Variants in UGT2B4 observed in about 807,000 individuals in gnomAD.
UGT2B4 encodes UDP glucuronosyltransferase family 2 member B4, also known as UDP-glucuronosyltransferase 2B4.
Under a neutral mutation model 49.8 loss-of-function variants are expected in UGT2B4, and 49 were observed. That is an observed-to-expected ratio of 0.98 (90% CI 0.78 to 1.25). The LOEUF (loss-of-function observed/expected upper bound fraction) is 1.25. Among genes scored for constraint, UGT2B4 ranks in the 50% most tolerant of loss-of-function variants. The pLI is 0.00. For synonymous variants in UGT2B4, 246 were observed against 217.7 expected (o/e 1.13, Z -1.14); for missense variants, 729 against 627.7 (o/e 1.16, Z -1.73).
intron 1 of UGT2B4, among the ~76,000 whole-genome samples, chr4:69,522,582 A>T (rs1377388469): frequency 6.6e-6 from 1 of 152,212 alleles, no homozygotes; most frequent in African/African-American, 2.4e-5. Flanking sequence ...AATGCTAACA[A>T]TCATCTGATC....
At position 69,495,799 on chromosome 4, in the gene UGT2B4, C is replaced by T; in HGVS notation, c.63G>A (p.Gly21=). 6.2e-7 allele frequency: 1 copy of T among 1,613,490 alleles called. No homozygotes were observed. Among genetic ancestry groups the T allele is most frequent in the East Asian group, 2.2e-5 (1 of 44,850 alleles). ...GCCACACCAGCACCTTTCCACAACT[C>T]CCAGAGCTAAAGTAACAGCTCAGCT... is the stretch of plus-strand genomic sequence containing the variant. ...LIQLSCYFSS[G]SCGKVLVWPT... is the part of the protein sequence containing the mutation. Residue 21 remains glycine (G), a synonymous_variant, in exon 1 of 6, where the codon GGG becomes GGA. Transcript: ENST00000305107.
In UGT2B4 at chr4:69,485,372, C is replaced by A; in HGVS notation, c.1146G>T (p.Glu382Asp). The change falls in exon 5 of 6, where the codon GAG (glutamate) becomes GAT (aspartate). Residue 382 changes from glutamate (E) to aspartate (D), a missense_variant. Coordinates refer to ENST00000305107, the MANE Select transcript of UGT2B4 (RefSeq NM_021139.3). ...ITHGGANGIY[E>D]AIYHGIPMVG... Reference sequence around the variant, plus strand: ...CCATAGGGATTCCATGGTAGATTGCCTCATAGATGCCATTGGCTCCACCAT... The same window carrying A: ...CCATAGGGATTCCATGGTAGATTGCATCATAGATGCCATTGGCTCCACCAT... 6.2e-7 allele frequency: 1 copy of A among 1,613,836 alleles called. No individual in the cohort carries two copies. Among genetic ancestry groups the A allele is most frequent in the South Asian group, 1.1e-5 (1 of 91,072 alleles).
intron 1 of UGT2B4, among the ~76,000 whole-genome samples, chr4:69,518,914 T>C (rs1441293979): frequency 6.6e-6 from 1 of 152,218 alleles, no homozygotes; most frequent in Non-Finnish European, 1.5e-5. Flanking sequence ...GTAAGTTTCA[T>C]ATGGAACAAC....
chr4:69,496,320 C>T (rs1302393081), upstream of UGT2B4, among the ~76,000 whole-genome samples: 6 of 152,150 alleles, frequency 3.9e-5, no homozygotes, highest in Non-Finnish European at 8.8e-5. Flanking sequence ...CCACCGCACC[C>T]AGCCCTAGAT....
chr4:69,524,861 G>T (rs911436598), intron 1 of UGT2B4, among the ~76,000 whole-genome samples: 6 of 152,160 alleles, frequency 3.9e-5, no homozygotes, highest in African/African-American at 1.4e-4. Flanking sequence ...ATCAGAAAAA[G>T]CTGGTGTGAC....
intron 1 of UGT2B4, among the ~76,000 whole-genome samples, chr4:69,515,100 A>G (rs1404241455): frequency 6.6e-6 from 1 of 152,162 alleles, no homozygotes; most frequent in African/African-American, 2.4e-5. Context: ...TACTAACAGT[A>G]TTAGAAGATC....
intron 1 of UGT2B4, among the ~76,000 whole-genome samples, chr4:69,516,257 A>T (rs1482798934): frequency 2.0e-5 from 3 of 152,160 alleles, no homozygotes; most frequent in Non-Finnish European, 4.4e-5. Context: ...ATGAACATCC[A>T]TGTTTTGCCA....
At chr4:69,519,078 A>C (rs1436430372) in intron 1 of UGT2B4, among the ~76,000 whole-genome samples, 1 of 152,228 alleles carries the variant, frequency 6.6e-6, no homozygotes, top group Non-Finnish European at 1.5e-5. Flanking sequence ...TCACAGAGAA[A>C]GTTGAGAGCA....
intron 4 of UGT2B4, among the ~76,000 whole-genome samples, 195 bp from the exon 5 acceptor site, chr4:69,485,622 G>A (rs974490174): frequency 6.6e-6 from 1 of 152,060 alleles, no homozygotes; most frequent in African/African-American, 2.4e-5. Context: ...TTTAACTTCA[G>A]ACTGAAAAAA....
At chr4:69,508,732 T>A (rs1412238244) in intron 1 of UGT2B4, among the ~76,000 whole-genome samples, 1 of 151,876 alleles carries the variant, frequency 6.6e-6, no homozygotes, top group Non-Finnish European at 1.5e-5. Context: ...AGGGAGAGGA[T>A]CAGAAAAAAT....
At chr4:69,486,453 T>C in intron 4 of UGT2B4, 156 bp downstream of exon 4, 2 of 359,330 alleles carry the variant, frequency 5.6e-6, no homozygotes, top group South Asian at 7.3e-5. Context: ...AACAATTTAT[T>C]CTTTTCCCCC....
Position 69,495,646 on chromosome 4 carries a change from A to T in UGT2B4, c.216T>A (p.Leu72=). The change falls in exon 1 of 6, where the codon CTT becomes CTA. Residue 72 remains leucine, a synonymous_variant. Coordinates refer to ENST00000305107, the MANE Select transcript of UGT2B4 (RefSeq NM_021139.3). ...AAGATACAGGATAAACTTCAAATTT[A>T]AGAGTAGATGGGCTGTTGGGATCGA... ...ISFDPNSPST[L]KFEVYPVSLT... The T allele has an allele frequency of 6.2e-7, 1 of 1,614,010 alleles. No individual in the cohort carries two copies. Among genetic ancestry groups the T allele is most frequent in the Admixed American group, 1.7e-5 (1 of 59,996 alleles).
intron 5 of UGT2B4, among the ~76,000 whole-genome samples, chr4:69,484,190 C>T (rs1331055005): frequency 6.6e-6 from 1 of 151,958 alleles, no homozygotes; most frequent in East Asian, 1.9e-4. Context: ...TGGAACCCTC[C>T]TGTACTGCTG....
intron 2 of UGT2B4, among the ~76,000 whole-genome samples, chr4:69,491,365 TA>T (rs1321499543): frequency 2.0e-5 from 3 of 152,200 alleles, no homozygotes; most frequent in African/African-American, 7.2e-5. Flanking sequence ...ATGTTTATTT[TA>T]TGAATATTTT....
rs751569355 is a variant in UGT2B4 at position 69,480,571 on chromosome 4, CTTG to C, written c.*60_*62del. ...GGAATCTCTTGTATCACAACGTCTT[CTTG>C]TTGTAATAAACTAAAGGAGTTCATT... On this transcript the variant is annotated 3_prime_UTR_variant, in exon 6 of 6. Coordinates refer to ENST00000305107, the MANE Select transcript of UGT2B4 (RefSeq NM_021139.3). 4.7e-4 allele frequency: 728 copies of C among 1,550,622 alleles called. 1 individual carries two copies. Among genetic ancestry groups the C allele is most frequent in the Non-Finnish European group, 5.6e-4 (644 of 1,148,158 alleles).
intron 1 of UGT2B4, among the ~76,000 whole-genome samples, chr4:69,494,870 G>A (rs1187042986): frequency 6.6e-6 from 1 of 152,114 alleles, no homozygotes; most frequent in Non-Finnish European, 1.5e-5. Flanking sequence ...AAACAGATAT[G>A]TGATTGCTTA....
At chr4:69,516,136 C>T (rs1728726329) in intron 1 of UGT2B4, among the ~76,000 whole-genome samples, 2 of 152,180 alleles carry the variant, frequency 1.3e-5, no homozygotes, top group South Asian at 4.1e-4. Context: ...AGGGTAAGGG[C>T]TTCCAGCTGC....
chr4:69,504,143 A>G (rs751376119), intron 1 of UGT2B4, among the ~76,000 whole-genome samples: 5 of 152,212 alleles, frequency 3.3e-5, no homozygotes, highest in Non-Finnish European at 7.3e-5. Flanking sequence ...AGAATGCTGA[A>G]AACTCAAAAA....
At chr4:69,499,864 T>G (rs1239780221), upstream of UGT2B4, among the ~76,000 whole-genome samples, 1 of 152,190 alleles carries the variant, frequency 6.6e-6, no homozygotes, top group Non-Finnish European at 1.5e-5. Flanking sequence ...CATTTACTTT[T>G]AAGGTTAATA....
Sources: gnomAD v4.1 joint callset for allele counts (sites outside exome capture counted in the v4.1 genomes callset) on GRCh38, gnomAD v4.1.1 for gene constraint, MANE v1.5 for transcripts, NCBI Gene and HGNC (gene_info 2026-07-23, HGNC 2026-07-21) for gene names.